The following NEK11 variants were observed in gnomAD, a reference collection of about 807,000 sequenced individuals.
NEK11 encodes the protein NIMA related kinase 11, also known as serine/threonine-protein kinase Nek11.
Under a neutral mutation model 80.7 loss-of-function variants are expected in NEK11, and 72 were observed. The ratio of observed to expected loss-of-function variants is 0.89; its 90% CI spans 0.74 to 1.08. The LOEUF (loss-of-function observed/expected upper bound fraction) is 1.08, where lower values mean the gene tolerates loss of function less well. Among genes scored for constraint, NEK11 ranks in the 50% least tolerant of loss-of-function variants. The pLI is 0.00. For missense variants in NEK11, 764 were observed against 763.6 expected, an observed-to-expected ratio of 1.00 and a Z score of -0.01; for synonymous variants, 251 against 260.7, an observed-to-expected ratio of 0.96 and a Z score of 0.36.
At chr3:131,082,286 T>C (rs185971819) in intron 4 of NEK11, among the ~76,000 whole-genome samples, 2 of 152,356 alleles carry the variant, frequency 1.3e-5, no homozygotes, top group East Asian at 3.9e-4. Context: ...CTATAATTTG[T>C]TCATATTTCT....
At chr3:131,292,932 A>G (rs2096558457) in intron 17 of NEK11, among the ~76,000 whole-genome samples, 1 of 152,178 alleles carries the variant, frequency 6.6e-6, no homozygotes, top group Non-Finnish European at 1.5e-5. Flanking sequence ...ACCTTTGTAT[A>G]TTAACCTTGT....
intron 4 of NEK11, among the ~76,000 whole-genome samples, chr3:131,084,991 G>A (rs1017469285): frequency 6.6e-6 from 1 of 152,220 alleles, no homozygotes; most frequent in Non-Finnish European, 1.5e-5. Context: ...GTCATTATTG[G>A]TGGAGCACTA....
rs528953096 is a variant in NEK11 at position 131,061,488 on chromosome 3, C to T, written c.171-18935C>T. 2.9e-3 allele frequency among the ~76,000 whole-genome samples: 441 copies of T among 152,080 alleles called. 3 individuals are homozygous for T. In the Middle Eastern group the frequency reaches 0.031, roughly 11 times the overall value. ...TGCCTTATGATCAGATAGTGTATCT[C>T]GGTGTTGGCTATATATAAAATGACA... On this transcript the variant is annotated intron_variant, in intron 3 of 17. Transcript: ENST00000383366.
chr3:131,062,890 C>G (rs1401171671), intron 3 of NEK11, among the ~76,000 whole-genome samples: 1 of 152,206 alleles, frequency 6.6e-6, no homozygotes, highest in Non-Finnish European at 1.5e-5. Flanking sequence ...CAGGCATTCA[C>G]TGTAATCAAC....
At chr3:131,334,899 C>T (rs183244534) in intron 17 of NEK11, among the ~76,000 whole-genome samples, 22 of 152,336 alleles carry the variant, frequency 1.4e-4, no homozygotes, top group African/African-American at 5.3e-4. Context: ...GACCCATACA[C>T]CTTCCCAAGA....
intron 11 of NEK11, 114 bp downstream of exon 11, chr3:131,162,641 T>A: frequency 8.6e-7 from 1 of 1,158,928 alleles, no homozygotes; most frequent in Non-Finnish European, 1.2e-6. Context: ...TACGATTATG[T>A]ATTTATGTGT....
chr3:131,066,183 A>T (rs1430371187), intron 3 of NEK11, among the ~76,000 whole-genome samples: 3 of 152,218 alleles, frequency 2.0e-5, no homozygotes, highest in African/African-American at 7.2e-5. Context: ...TTAATTTGGC[A>T]TATTCTCCAT....
intron 17 of NEK11, among the ~76,000 whole-genome samples, chr3:131,319,599 G>A (rs2096877542): frequency 6.6e-6 from 1 of 152,100 alleles, no homozygotes; most frequent in Admixed American, 6.5e-5. Flanking sequence ...GGTCTGTAGG[G>A]GAAATATCTT....
intron 14 of NEK11, among the ~76,000 whole-genome samples, chr3:131,175,533 T>C (rs2092954643): frequency 6.6e-6 from 1 of 152,210 alleles, no homozygotes; most frequent in Non-Finnish European, 1.5e-5. Flanking sequence ...TTCTATGAGT[T>C]CTGGAACCAG....
At chr3:131,228,923 C>T (rs2095272147) in intron 15 of NEK11, among the ~76,000 whole-genome samples, 1 of 151,836 alleles carries the variant, frequency 6.6e-6, no homozygotes, top group Admixed American at 6.6e-5. Context: ...GCATGCTGCA[C>T]TTATTTGGGG....
At chr3:131,193,820 A>G (rs2093895456) in intron 14 of NEK11, among the ~76,000 whole-genome samples, 1 of 152,200 alleles carries the variant, frequency 6.6e-6, no homozygotes, top group Non-Finnish European at 1.5e-5. Context: ...TATTTCTCCC[A>G]AGAGTTTGAG....
intron 3 of NEK11, among the ~76,000 whole-genome samples, chr3:131,056,420 G>A (rs977029320): frequency 2.6e-5 from 4 of 152,140 alleles, no homozygotes; most frequent in African/African-American, 9.7e-5. Flanking sequence ...CACTCACTGT[G>A]TTTTTCCCTT....
chr3:131,339,785 ACTATCAAAG>A (rs1483276464), intron 17 of NEK11, among the ~76,000 whole-genome samples: 1 of 152,212 alleles, frequency 6.6e-6, no homozygotes, highest in Non-Finnish European at 1.5e-5. Context: ...CTCTCCTGTT[ACTATCAAAG>A]CTTTGTTTTT....
chr3:131,307,556 A>C (rs568444846), intron 17 of NEK11, among the ~76,000 whole-genome samples: 101 of 152,354 alleles, frequency 6.6e-4, no homozygotes, highest in Non-Finnish European at 1.3e-3. Flanking sequence ...TAACAAAGTA[A>C]TATCTATAGA....
chr3:131,112,605 A>G (rs976103075), intron 5 of NEK11, among the ~76,000 whole-genome samples: 2 of 152,208 alleles, frequency 1.3e-5, no homozygotes, highest in Admixed American at 6.5e-5. Context: ...AAGGGCCAAG[A>G]AAAGTACAAT....
At chr3:131,232,801 A>T (rs1437347768) in intron 15 of NEK11, among the ~76,000 whole-genome samples, 3 of 152,182 alleles carry the variant, frequency 2.0e-5, no homozygotes, top group African/African-American at 7.2e-5. Context: ...TAATCAGATC[A>T]TAGTAATGAT....
intron 3 of NEK11, among the ~76,000 whole-genome samples, chr3:131,040,757 A>C (rs2066358606): frequency 6.6e-6 from 1 of 152,210 alleles, no homozygotes; most frequent in African/African-American, 2.4e-5. Context: ...ATTGTCCTAC[A>C]TACTAGGTTT....
At chr3:131,159,466 C>T (rs2091231087) in intron 10 of NEK11, among the ~76,000 whole-genome samples, 1 of 152,096 alleles carries the variant, frequency 6.6e-6, no homozygotes, top group Non-Finnish European at 1.5e-5. Flanking sequence ...AGCTGAAAAC[C>T]ACACTGTAAG....
chr3:131,214,014 T>C (rs753282027), intron 14 of NEK11, among the ~76,000 whole-genome samples: 3 of 152,116 alleles, frequency 2.0e-5, no homozygotes, highest in Non-Finnish European at 4.4e-5. Flanking sequence ...CATATGAGGA[T>C]ACAAGAAGAG....
Sources: allele counts gnomAD v4.1 joint callset (sites outside exome capture counted in the v4.1 genomes callset), GRCh38; gene constraint gnomAD v4.1.1; transcripts MANE v1.5; gene names NCBI Gene and HGNC (gene_info 2026-07-23, HGNC 2026-07-21).